BCAN: variants seen among roughly 807,000 people sequenced by gnomAD.
BCAN encodes brevican, also known as brevican core protein.
Under a neutral mutation model 92.4 loss-of-function variants are expected in BCAN, and 51 were observed. The observed-to-expected ratio is 0.55, with a 90% CI of 0.44 to 0.70. The LOEUF is 0.70. Ranked by LOEUF, BCAN falls within the 30% of genes least tolerant of loss-of-function variation. The pLI is 0.00. For missense variants in BCAN, 1,140 were observed against 1,212.1 expected, an observed-to-expected ratio of 0.94 and a Z score of 0.88; for synonymous variants, 501 against 505.2, an observed-to-expected ratio of 0.99 and a Z score of 0.11.
chr1:156,646,403 G>C, intron 2 of BCAN: 1 of 510,216 alleles, frequency 2.0e-6, no homozygotes, highest in South Asian at 3.5e-5. Context: ...TAGGAGGTGG[G>C]AAAGGGGTGG....
chr1:156,647,209 G>T lies in BCAN; in HGVS notation c.466+34G>T. ...GCAGGGAGGTTCCAGAGGGAGGGAGGGAGGGAGGGAAGGGAGGACTCTTGC... is the reference window on the plus strand; with the variant it reads ...GCAGGGAGGTTCCAGAGGGAGGGAGTGAGGGAGGGAAGGGAGGACTCTTGC... On this transcript the variant is annotated intron_variant, in intron 3 of 13. Coordinates refer to ENST00000329117, the MANE Select transcript of BCAN (RefSeq NM_021948.5). This position sits in a 1 kb window ranked among gnomAD's most constrained non-coding sequence, Gnocchi z 4.8. 2.2e-6 allele frequency: 3 copies of T among 1,349,924 alleles called. No individual in the cohort carries two copies. Among genetic ancestry groups the T allele is most frequent in the South Asian group, 1.4e-5 (1 of 69,886 alleles). 83.6% of individuals were successfully genotyped at this position (1,349,924 alleles called of 1,614,324 possible).
intron 7 of BCAN, among the ~76,000 whole-genome samples, chr1:156,652,021 C>T (rs1409405118): frequency 6.6e-6 from 1 of 152,220 alleles, no homozygotes; most frequent in Non-Finnish European, 1.5e-5. Flanking sequence ...TGACCATGTT[C>T]TCCGGGGCTA....
Position 156,658,003 on chromosome 1 carries a change from A to AC in BCAN, c.2293-119dup, listed in dbSNP as rs796145894. On this transcript the variant is annotated intron_variant, in intron 11 of 13. Transcript: ENST00000329117. This position sits in a 1 kb window ranked among gnomAD's most constrained non-coding sequence, Gnocchi z 4.4. ...TTTCCCCTTCCCCGGGAGATCCCCTACCCCCTAGCCCTAACCTTCCCTCTC... is the reference window on the plus strand; with the variant it reads ...TTTCCCCTTCCCCGGGAGATCCCCTACCCCCCTAGCCCTAACCTTCCCTCTC... 1.7e-6 allele frequency: 2 copies of AC among 1,150,298 alleles called. No individual in the cohort carries two copies. The highest frequency in any genetic ancestry group is 2.4e-6 in the Non-Finnish European group (2 of 818,154). 71.3% of individuals were successfully genotyped at this position (1,150,298 alleles called of 1,614,324 possible).
intron 5 of BCAN, 48 bp downstream of exon 5, chr1:156,648,158 CT>C: frequency 6.3e-7 from 1 of 1,599,724 alleles, no homozygotes; most frequent in Non-Finnish European, 8.6e-7. Context: ...TACTCCCATG[CT>C]GCCCATAGGT....
chr1:156,653,938 C>G lies in BCAN; in HGVS notation c.1942+1046C>G, dbSNP rs1679257884. Among the ~76,000 whole-genome samples the G allele has an allele frequency of 2.0e-5, 3 of 152,038 alleles. No individual in the cohort carries two copies. The South Asian group carries it at 6.2e-4, about 32-fold the overall frequency. On this transcript the variant is annotated intron_variant, in intron 8 of 13. Transcript: ENST00000329117. ...AGGGTCTCTCAGCATAGAGGCAGTT[C>G]CCTGGCATTCAGTTGCCCTCACCCC...
At chr1:156,649,362 A>G (rs1281027616) in intron 6 of BCAN, among the ~76,000 whole-genome samples, 1 of 152,176 alleles carries the variant, frequency 6.6e-6, no homozygotes, top group Admixed American at 6.5e-5. Context: ...CAAGACCTTA[A>G]GTACAGTTGG....
At chr1:156,656,773 G>T (rs1390180421) in intron 9 of BCAN, 165 bp from the exon 10 acceptor site, 9 of 948,300 alleles carry the variant, frequency 9.5e-6, no homozygotes, top group Middle Eastern at 3.5e-4. Context: ...GCCCCTCCAG[G>T]CTCCTGCTAC....
Position 156,647,043 on chromosome 1 carries a change from G to T in BCAN, c.334G>T (p.Ala112Ser). Residue 112 changes from alanine to serine, a missense_variant, in exon 3 of 14, where the codon GCG becomes TCG. Transcript: ENST00000329117. This position sits in a 1 kb window ranked among gnomAD's most constrained non-coding sequence, Gnocchi z 4.8. Reference sequence around the variant, plus strand: ...CTACCGGTTCCGCGTGGCACTGCCTGCGTACCCAGCGTCGCTCACCGACGT... The same window carrying T: ...CTACCGGTTCCGCGTGGCACTGCCTTCGTACCCAGCGTCGCTCACCGACGT... ...EAYRFRVALP[A>S]YPASLTDVSL... 3 of 1,611,946 alleles carry T rather than the reference G, an allele frequency of 1.9e-6. No individual in the cohort carries two copies. Among genetic ancestry groups the T allele is most frequent in the Admixed American group, 3.3e-5 (2 of 59,946 alleles).
chr1:156,647,232 T>G lies in BCAN; in HGVS notation c.466+57T>G. ...AGGGAGGGAGGGAAGGGAGGACTCT[T>G]GCCTTCGGGGATCCCACAGTGTGAG... On this transcript the variant is annotated intron_variant, in intron 3 of 13. Transcript: ENST00000329117. This position sits in a 1 kb window ranked among gnomAD's most constrained non-coding sequence, Gnocchi z 4.8. 3.4e-6 allele frequency: 5 copies of G among 1,464,016 alleles called. No individual in the cohort carries two copies. Among genetic ancestry groups the G allele is most frequent in the Non-Finnish European group, 3.6e-6 (4 of 1,101,100 alleles). The allele number at this position is 1,464,016 out of a possible 1,614,324, so 90.7% of individuals were successfully genotyped here.
intron 6 of BCAN, among the ~76,000 whole-genome samples, chr1:156,650,118 G>C (rs772871179): frequency 6.6e-6 from 1 of 152,060 alleles, no homozygotes; most frequent in Admixed American, 6.6e-5. Flanking sequence ...AGACCTCCTG[G>C]AACAGGGGTA....
At chr1:156,643,634 A>AGAGAGAGAGAGAGG in intron 1 of BCAN, 1 of 25,594 alleles carries the variant, frequency 3.9e-5, no homozygotes, top group East Asian at 1.4e-3. Flanking sequence ...ACACACACAC[A>AGAGAGAGAGAGAGG]CAGAGAGAGA....
At position 156,658,958 on chromosome 1, in the gene BCAN, T is replaced by C; in HGVS notation, c.2629-69T>C. ...GGCTCTTACGGGCTGAGCAAGAACATCAGAGGGCAGGCTCTGAGGAGAGGA... is the reference window on the plus strand; with the variant it reads ...GGCTCTTACGGGCTGAGCAAGAACACCAGAGGGCAGGCTCTGAGGAGAGGA... On this transcript the variant is annotated intron_variant, in intron 13 of 13. Transcript: ENST00000329117. The surrounding 1 kb of genome is among the most constrained non-coding windows in gnomAD (Gnocchi z 4.4). 2 of 1,443,610 alleles carry C rather than the reference T, an allele frequency of 1.4e-6. No individual in the cohort carries two copies. The highest frequency in any genetic ancestry group is 2.4e-5 in the East Asian group (1 of 41,904). 89.4% of individuals were successfully genotyped at this position (1,443,610 alleles called of 1,614,324 possible). A position where few individuals can be genotyped will look rare whatever the true frequency, so the allele number is the denominator to read the frequency against.
chr1:156,648,252 C>A, intron 5 of BCAN, 142 bp downstream of exon 5: 1 of 1,237,588 alleles, frequency 8.1e-7, no homozygotes, highest in Non-Finnish European at 1.1e-6. Context: ...TGGTGTCCCT[C>A]TCTCCAAACA....
chr1:156,652,449 C>G lies in BCAN; in HGVS notation c.1499C>G (p.Ala500Gly), dbSNP rs1159420927. The change falls in exon 8 of 14, where the codon GCA becomes GGA. Residue 500 changes from alanine (A) to glycine (G), a missense_variant. Physicochemically the swap from Ala to Gly is moderately conservative, Grantham distance 60 (BLOSUM62 0). Transcript: ENST00000329117. ...GPEASLPTEP[A>G]AQEESLSQAP... Reference sequence around the variant, plus strand: ...GAGGCCTCTCTCCCCACTGAGCCAGCAGCCCAGGAGGAGTCACTCTCCCAG... The same window carrying G: ...GAGGCCTCTCTCCCCACTGAGCCAGGAGCCCAGGAGGAGTCACTCTCCCAG... The G allele has an allele frequency of 6.2e-7, 1 of 1,603,650 alleles. No individual in the cohort carries two copies. Among genetic ancestry groups the G allele is most frequent in the Non-Finnish European group, 8.5e-7 (1 of 1,174,856 alleles).
At chr1:156,646,643 C>T (rs1678975261) in intron 2 of BCAN, 158 bp from the exon 3 acceptor site, 1 of 1,248,802 alleles carries the variant, frequency 8.0e-7, no homozygotes, top group African/African-American at 1.6e-5. Flanking sequence ...AGAGGTAGGG[C>T]TGCAGGACCC....
Position 156,652,428 on chromosome 1 carries a change from C to G in BCAN, c.1478C>G (p.Ala493Gly), listed in dbSNP as rs772341344. ...GAGCTCAGCAGCCCGGGCCCTGAGGCCTCTCTCCCCACTGAGCCAGCAGCC... is the reference window on the plus strand; with the variant it reads ...GAGCTCAGCAGCCCGGGCCCTGAGGGCTCTCTCCCCACTGAGCCAGCAGCC... ...PSELSSPGPE[A>G]SLPTEPAAQE... The change falls in exon 8 of 14, where the codon GCC (alanine) becomes GGC (glycine). Residue 493 changes from alanine (A) to glycine (G), a missense_variant. Around this residue, in one of 3 missense-constraint regions of BCAN, gnomAD observed 825 missense variants for 871.8 expected, o/e 0.95. Transcript: ENST00000329117. 1 of 1,604,264 alleles carries G rather than the reference C, an allele frequency of 6.2e-7. No homozygotes were observed. Among genetic ancestry groups the G allele is most frequent in the Non-Finnish European group, 8.5e-7 (1 of 1,175,068 alleles).
chr1:156,656,514 T>C (rs1032879075), intron 9 of BCAN, 125 bp downstream of exon 9: 2 of 712,082 alleles, frequency 2.8e-6, no homozygotes, highest in Admixed American at 6.7e-5. Flanking sequence ...TTTAGGCAAG[T>C]TGCATAACTT....
intron 1 of BCAN, 26 bp from the exon 2 acceptor site, chr1:156,646,021 C>T: frequency 6.3e-7 from 1 of 1,593,826 alleles, no homozygotes; most frequent in Non-Finnish European, 8.6e-7. Flanking sequence ...CTAACCCCAT[C>T]TTTCCTTCTC....
Position 156,648,565 on chromosome 1 carries a change from C to A in BCAN, c.770-3C>A. On this transcript the variant is annotated splice_polypyrimidine_tract_variant and splice_region_variant and intron_variant, in intron 5 of 13. Coordinates refer to ENST00000329117, the MANE Select transcript of BCAN (RefSeq NM_021948.5). ...ATAACCCAGCCTTCTCTTCTCCACC[C>A]AGGAGAACTGTTCCTGGGTGACCCT... 6.3e-7 allele frequency: 1 copy of A among 1,580,800 alleles called. No homozygotes were observed. Among genetic ancestry groups the A allele is most frequent in the African/African-American group, 1.3e-5 (1 of 74,540 alleles).
Sources: allele counts gnomAD v4.1 joint callset (sites outside exome capture counted in the v4.1 genomes callset), GRCh38; gene constraint gnomAD v4.1.1; regional missense constraint gnomAD v4.1.1; non-coding constraint Gnocchi (gnomAD v3.1); transcripts MANE v1.5; gene names NCBI Gene and HGNC (gene_info 2026-07-23, HGNC 2026-07-21).